Variants in SLC35F4 observed in about 807,000 individuals in gnomAD.
The protein encoded by SLC35F4 is solute carrier family 35 member F4.
In SLC35F4, 24 loss-of-function variants were observed where a neutral mutation model predicts 44.2. The ratio of observed to expected loss-of-function variants is 0.54; its 90% CI spans 0.39 to 0.76. SLC35F4 has a LOEUF of 0.76. SLC35F4 is among the 30% of genes least tolerant of loss of function. The pLI is 0.00. For synonymous variants in SLC35F4, 238 were observed against 223.6 expected (o/e 1.06, Z -0.57); for missense variants, 562 against 586.1 (o/e 0.96, Z 0.42).
At chr14:57,804,627 G>A (rs1248150627) in intron 1 of SLC35F4, among the ~76,000 whole-genome samples, 2 of 152,160 alleles carry the variant, frequency 1.3e-5, no homozygotes, top group South Asian at 4.1e-4. Context: ...CCTCAAGATG[G>A]ATTAAGGACT....
At chr14:57,928,855 AG>A (rs1163697644) in intron 1 of SLC35F4, among the ~76,000 whole-genome samples, 1 of 152,248 alleles carries the variant, frequency 6.6e-6, no homozygotes, top group Admixed American at 6.5e-5. Context: ...TTCCTCAAGA[AG>A]AAGAAGAACC....
intron 1 of SLC35F4, among the ~76,000 whole-genome samples, chr14:57,718,950 T>C (rs1014981661): frequency 3.9e-5 from 6 of 152,312 alleles, no homozygotes; most frequent in African/African-American, 1.2e-4. Context: ...AATTTTCTTG[T>C]AGTTATTTCA....
intron 1 of SLC35F4, among the ~76,000 whole-genome samples, chr14:57,844,184 G>A (rs1200636522): frequency 6.6e-6 from 1 of 152,142 alleles, no homozygotes; most frequent in Admixed American, 6.5e-5. Flanking sequence ...GAGGAATTTG[G>A]AAAGGCCCAG....
chr14:57,887,204 G>A lies in SLC35F4; in HGVS notation n.282+94709C>T, dbSNP rs76316057. On this transcript the variant is annotated intron_variant and non_coding_transcript_variant, in intron 1 of 1. Transcript: ENST00000556568. ...GTTCTGTAGTCTTGAGCAAAAATCC[G>A]GGTAGTGCTAAGAGAGATGGTTAAG... is the stretch of plus-strand genomic sequence containing the variant. 6.2e-3 allele frequency among the ~76,000 whole-genome samples: 947 copies of A among 152,226 alleles called. 7 individuals are homozygous for A. Among genetic ancestry groups the A allele is most frequent in the African/African-American group, 0.021 (873 of 41,550 alleles).
Position 57,910,282 on chromosome 14 carries a change from GAGA to G in SLC35F4, n.282+71628_282+71630del, listed in dbSNP as rs545839429. ...CATTCTTTTAACATTGTATTTTGCA[GAGA>G]AGAAGTGTTTAATTTTAATGAAGCC... On this transcript the variant is annotated intron_variant and non_coding_transcript_variant, in intron 1 of 1. Coordinates refer to the SLC35F4 transcript ENST00000556568. Among the ~76,000 whole-genome samples, 6 of 151,982 alleles carry G rather than the reference GAGA, an allele frequency of 3.9e-5. No homozygotes were observed. In the East Asian group the frequency reaches 7.7e-4, roughly 20 times the overall value.
intron 1 of SLC35F4, among the ~76,000 whole-genome samples, chr14:57,761,463 G>A (rs921059880): frequency 1.3e-5 from 2 of 152,116 alleles, no homozygotes; most frequent in Non-Finnish European, 2.9e-5. Context: ...TCTACATAAT[G>A]AAGACTTAGA....
At chr14:57,886,790 A>C (rs369922287) in intron 1 of SLC35F4, among the ~76,000 whole-genome samples, 3 of 152,214 alleles carry the variant, frequency 2.0e-5, no homozygotes, top group East Asian at 3.9e-4. Context: ...ACTAGTCTGG[A>C]AAGGGAAAGG....
At chr14:57,835,877 T>G (rs1434923286) in intron 1 of SLC35F4, among the ~76,000 whole-genome samples, 1 of 152,250 alleles carries the variant, frequency 6.6e-6, no homozygotes, top group Non-Finnish European at 1.5e-5. Context: ...CTTTCAGAGT[T>G]CTCAGAATGT....
intron 1 of SLC35F4, among the ~76,000 whole-genome samples, chr14:57,673,354 T>C (rs2074583527): frequency 6.6e-6 from 1 of 152,120 alleles, no homozygotes; most frequent in Non-Finnish European, 1.5e-5. Flanking sequence ...AGTTGCATGT[T>C]TGATTCCCAA....
At chr14:57,751,070 G>T (rs2076873323) in intron 1 of SLC35F4, among the ~76,000 whole-genome samples, 1 of 152,138 alleles carries the variant, frequency 6.6e-6, no homozygotes, top group South Asian at 2.1e-4. Flanking sequence ...GAAAACCAAT[G>T]TGTCAAACAT....
At chr14:57,817,525 A>C (rs1489275829) in intron 1 of SLC35F4, among the ~76,000 whole-genome samples, 8 of 152,158 alleles carry the variant, frequency 5.3e-5, no homozygotes, top group African/African-American at 1.7e-4. Flanking sequence ...GAGGAAGGAA[A>C]TAAAATCTCT....
Position 57,853,413 on chromosome 14 carries a change from T to C in SLC35F4, c.103+12310A>G, listed in dbSNP as rs7143647. ...AACCAAATAGCTATTAAGTTAAGTG[T>C]CAAACCAATTGCCCTGTTTCTCTAA... On this transcript the variant is annotated intron_variant, in intron 1 of 7. Transcript: ENST00000556826. 0.024 allele frequency among the ~76,000 whole-genome samples: 3,581 copies of C among 152,294 alleles called. 448 individuals carry two copies. In the East Asian group the frequency reaches 0.4, roughly 17 times the overall value.
intron 1 of SLC35F4, among the ~76,000 whole-genome samples, chr14:57,903,760 G>T (rs1425181002): frequency 6.6e-6 from 1 of 152,170 alleles, no homozygotes. Flanking sequence ...AAAAAATTAT[G>T]TAAAAACATA....
intron 1 of SLC35F4, among the ~76,000 whole-genome samples, chr14:57,775,023 T>TAG (rs2077454947): frequency 6.6e-6 from 1 of 151,708 alleles, no homozygotes; most frequent in African/African-American, 2.4e-5. Context: ...CACTCCACCA[T>TAG]AGTGGCCACA....
rs1293797796 is a variant in SLC35F4 at position 57,589,409 on chromosome 14, G to A, written c.394C>T (p.Leu132Phe). 1.9e-6 allele frequency: 3 copies of A among 1,613,846 alleles called. No individual in the cohort carries two copies. Among genetic ancestry groups the A allele is most frequent in the African/African-American group, 2.7e-5 (2 of 74,932 alleles). ...TSMVLKGIWG[L>F]LIILSVSSSW... ...GATGATACTGACAAGATGATCAAGA[G>A]TCCCCAGATGCCCTTCAGAACCATG... is the stretch of plus-strand genomic sequence containing the variant. Residue 132 changes from leucine to phenylalanine, a missense_variant, in exon 3 of 8, where the codon CTC becomes TTC. By Grantham distance (22) the Leu-to-Phe change is conservative. Transcript: ENST00000556826.
In SLC35F4 at chr14:57,873,142, T is replaced by A. The variant is rs561260967; in HGVS notation, n.282+108771A>T. 8.5e-5 allele frequency among the ~76,000 whole-genome samples: 13 copies of A among 152,326 alleles called. No individual in the cohort carries two copies. The South Asian group carries it at 2.5e-3, about 29-fold the overall frequency. The stretch of plus-strand genomic sequence containing the variant: ...TCCATTGTGGAAATTATGGGTTTGA[T>A]TCTCCCCTGTAATCCATAAATGTAT... On this transcript the variant is annotated intron_variant and non_coding_transcript_variant, in intron 1 of 1. Coordinates refer to the SLC35F4 transcript ENST00000556568.
intron 1 of SLC35F4, among the ~76,000 whole-genome samples, chr14:57,594,329 A>G (rs1317520872): frequency 6.6e-6 from 1 of 152,192 alleles, no homozygotes; most frequent in Non-Finnish European, 1.5e-5. Context: ...AGCTCGAATT[A>G]CAGGTGTGTG....
chr14:57,693,823 T>C (rs989748839), intron 1 of SLC35F4, among the ~76,000 whole-genome samples: 6 of 152,116 alleles, frequency 3.9e-5, no homozygotes, highest in Non-Finnish European at 7.4e-5. Flanking sequence ...TTTTGCTTAA[T>C]CTGTGTAGGT....
intron 1 of SLC35F4, among the ~76,000 whole-genome samples, chr14:57,715,019 G>A (rs1257906076): frequency 1.3e-5 from 2 of 152,162 alleles, no homozygotes; most frequent in African/African-American, 2.4e-5. Context: ...AGTAGAAGGA[G>A]CTCTTCTAAA....
Sources: allele counts gnomAD v4.1 joint callset (sites outside exome capture counted in the v4.1 genomes callset), GRCh38; gene constraint gnomAD v4.1.1; transcripts MANE v1.5; gene names NCBI Gene and HGNC (gene_info 2026-07-23, HGNC 2026-07-21).